The following MORN1 variants were observed in gnomAD, a reference collection of about 807,000 sequenced individuals.
The protein encoded by MORN1 is MORN repeat containing 1.
Under a neutral mutation model 61.9 loss-of-function variants are expected in MORN1, and 67 were observed. The ratio of observed to expected loss-of-function variants is 1.08; its 90% confidence interval spans 0.89 to 1.33. MORN1 has a LOEUF of 1.33. Among genes scored for constraint, MORN1 ranks in the 40% most tolerant of loss-of-function variants. The pLI, the probability that MORN1 is intolerant of heterozygous loss-of-function variation, is 0.00. For missense variants in MORN1, 752 were observed against 691.2 expected (o/e 1.09, Z -0.99); for synonymous variants, 301 against 292.0 (o/e 1.03, Z -0.31).
chr1:2,355,004 A>G (rs548853507), intron 10 of MORN1, among the ~76,000 whole-genome samples: 1 of 152,316 alleles, frequency 6.6e-6, no homozygotes, highest in South Asian at 2.1e-4. Flanking sequence ...AGCCAGAAAC[A>G]GCCTGAGCCG....
chr1:2,328,009 C>T (rs921021029), intron 12 of MORN1, among the ~76,000 whole-genome samples: 3 of 152,246 alleles, frequency 2.0e-5, no homozygotes, highest in African/African-American at 7.2e-5. Context: ...AGCGAGCCAC[C>T]GAGCAGAGCT....
At chr1:2,349,235 G>A (rs948868872) in intron 10 of MORN1, among the ~76,000 whole-genome samples, 1 of 152,216 alleles carries the variant, frequency 6.6e-6, no homozygotes, top group Admixed American at 6.5e-5. Flanking sequence ...AAAAGGACCT[G>A]TGGAGGAGGA....
intron 9 of MORN1, among the ~76,000 whole-genome samples, chr1:2,358,076 T>C (rs1282921293): frequency 6.6e-6 from 1 of 152,180 alleles, no homozygotes; most frequent in Non-Finnish European, 1.5e-5. Context: ...GAGTGAGGCC[T>C]CTTCCTGGAG....
chr1:2,362,535 G>T (rs1641910774), intron 8 of MORN1, among the ~76,000 whole-genome samples: 4 of 152,198 alleles, frequency 2.6e-5, no homozygotes, highest in Admixed American at 2.6e-4. Flanking sequence ...AGCAAACAGT[G>T]GGACAACCTC....
chr1:2,374,420 A>G (rs1642189726), intron 7 of MORN1, 41 bp downstream of exon 7: 17 of 1,512,606 alleles, frequency 1.1e-5, no homozygotes, highest in Non-Finnish European at 1.5e-5. Flanking sequence ...CACACCCCAC[A>G]GTGGACCTCA....
intron 7 of MORN1, among the ~76,000 whole-genome samples, chr1:2,373,772 G>A (rs368727432): frequency 6.6e-6 from 1 of 152,224 alleles, no homozygotes. Flanking sequence ...CGGGGCCAGC[G>A]GGTCTGTGCT....
At chr1:2,336,314 C>G (rs1470318942) in intron 12 of MORN1, among the ~76,000 whole-genome samples, 155 bp downstream of exon 12, 1 of 152,164 alleles carries the variant, frequency 6.6e-6, no homozygotes. Context: ...CCCTGGCTGG[C>G]GGGGGGGCTC....
chr1:2,361,627 T>C (rs1275078340), intron 8 of MORN1, among the ~76,000 whole-genome samples: 2 of 152,036 alleles, frequency 1.3e-5, no homozygotes, highest in Non-Finnish European at 2.9e-5. Flanking sequence ...AAAATTATAA[T>C]GTATGAGATA....
intron 5 of MORN1, chr1:2,385,435 G>C: frequency 2.5e-6 from 1 of 400,374 alleles, no homozygotes; most frequent in Non-Finnish European, 4.6e-6. Context: ...CACTTGGGAG[G>C]CGGAGGCGGG....
At chr1:2,380,875 C>G (rs964902997) in intron 6 of MORN1, among the ~76,000 whole-genome samples, 1 of 152,142 alleles carries the variant, frequency 6.6e-6, no homozygotes, top group Non-Finnish European at 1.5e-5. Flanking sequence ...TTTTTTAAAG[C>G]GGGCTAAATA....
intron 8 of MORN1, among the ~76,000 whole-genome samples, chr1:2,368,043 G>A (rs1202050526): frequency 6.6e-6 from 1 of 152,184 alleles, no homozygotes; most frequent in African/African-American, 2.4e-5. Context: ...GAGAGAATTG[G>A]GTTTCATCGA....
At chr1:2,355,123 G>T in intron 10 of MORN1, 1 of 1,079,180 alleles carries the variant, frequency 9.3e-7, no homozygotes, top group South Asian at 3.0e-5. Flanking sequence ...CACGAGGCTG[G>T]TTTCAATCGA....
intron 13 of MORN1, chr1:2,322,882 G>C: frequency 1.0e-6 from 1 of 985,422 alleles, no homozygotes; most frequent in Non-Finnish European, 1.2e-6. Flanking sequence ...CAAGGGCTCT[G>C]GCTGGTGGCC....
At chr1:2,380,157 C>T (rs898866403) in intron 6 of MORN1, among the ~76,000 whole-genome samples, 1 of 152,232 alleles carries the variant, frequency 6.6e-6, no homozygotes, top group South Asian at 2.1e-4. Flanking sequence ...ACACCACTCA[C>T]AGGAGGCCCT....
At chr1:2,370,660 CATTTTTTT>C (rs1642096510) in intron 8 of MORN1, among the ~76,000 whole-genome samples, 1 of 144,136 alleles carries the variant, frequency 6.9e-6, no homozygotes, top group Non-Finnish European at 1.5e-5. Context: ...ACCTTTTTTT[CATTTTTTT>C]TTCTTCTTTT....
chr1:2,355,084 G>A (rs1253211604), intron 10 of MORN1: 1 of 886,006 alleles, frequency 1.1e-6, no homozygotes. Flanking sequence ...CGGCGCGGGG[G>A]GCCCGCGCGG....
At chr1:2,368,667 T>C (rs1343088480) in intron 8 of MORN1, among the ~76,000 whole-genome samples, 1 of 152,136 alleles carries the variant, frequency 6.6e-6, no homozygotes, top group Non-Finnish European at 1.5e-5. Flanking sequence ...AAATGGCCCA[T>C]AGCACACAAA....
intron 12 of MORN1, among the ~76,000 whole-genome samples, chr1:2,328,146 C>CTCA (rs1641076178): frequency 6.6e-6 from 1 of 152,280 alleles, no homozygotes; most frequent in Admixed American, 6.5e-5. Flanking sequence ...CTTTGCTGTC[C>CTCA]TCAGTCTTCC....
intron 8 of MORN1, 23 bp from the exon 9 acceptor site, chr1:2,358,738 A>C: frequency 3.8e-6 from 6 of 1,598,132 alleles, no homozygotes; most frequent in Non-Finnish European, 5.1e-6. Context: ...AGGAGCAGGC[A>C]GTGAACACTC....
Sources: gnomAD v4.1 joint callset for allele counts (sites outside exome capture counted in the v4.1 genomes callset) on GRCh38, gnomAD v4.1.1 for gene constraint, MANE v1.5 for transcripts, NCBI Gene and HGNC (gene_info 2026-07-23, HGNC 2026-07-21) for gene names.